CCDC25: variants seen among roughly 807,000 people sequenced by gnomAD.
CCDC25 encodes coiled-coil domain-containing protein 25.
CCDC25 carries 16 observed loss-of-function variants against 35.3 expected under a neutral mutation model. The observed-to-expected ratio is 0.45, with a 90% CI of 0.31 to 0.69. The LOEUF (loss-of-function observed/expected upper bound fraction) is 0.69, where lower values mean the gene tolerates loss of function less well. Among genes scored for constraint, CCDC25 ranks in the 30% least tolerant of loss-of-function variants. CCDC25 has a pLI of 0.06. For synonymous variants in CCDC25, 79 were observed against 80.3 expected, an observed-to-expected ratio of 0.98 and a Z score of 0.09; for missense variants, 179 against 250.7, an observed-to-expected ratio of 0.71 and a Z score of 1.93.
chr8:27,755,803 A>C (rs2128942291), intron 4 of CCDC25, among the ~76,000 whole-genome samples: 1 of 152,348 alleles, frequency 6.6e-6, no homozygotes, highest in South Asian at 2.1e-4. Flanking sequence ...CAAACTGAGC[A>C]ATAGTCTACA....
intron 7 of CCDC25, among the ~76,000 whole-genome samples, chr8:27,740,771 A>G (rs371242916): frequency 6.6e-6 from 1 of 152,256 alleles, no homozygotes; most frequent in South Asian, 2.1e-4. Context: ...CACCACCTCC[A>G]CAATAACTTG....
chr8:27,746,786 G>GT (rs1803616705), intron 7 of CCDC25, among the ~76,000 whole-genome samples: 1 of 152,156 alleles, frequency 6.6e-6, no homozygotes, highest in Non-Finnish European at 1.5e-5. Flanking sequence ...TTTGAACACT[G>GT]TATTTTAAGT....
rs1300400456 is a variant in CCDC25, at chr8:27,734,125, A to G, written c.*2091T>C. 4 of 152,190 alleles carry G rather than the reference A, an allele frequency of 2.6e-5. No individual in the cohort carries two copies. Among genetic ancestry groups the G allele is most frequent in the African/African-American group, 7.2e-5 (3 of 41,446 alleles). The allele number at this position is 152,190 out of a possible 1,614,324, so 9.4% of individuals were successfully genotyped here. Reference sequence around the variant, plus strand: ...TCAGTGCCTTTCAATAAACTTCTCAACATCTGTGTTGGTAAACTTCTCAAT... The same window carrying G: ...TCAGTGCCTTTCAATAAACTTCTCAGCATCTGTGTTGGTAAACTTCTCAAT... On this transcript the variant is annotated 3_prime_UTR_variant, in exon 9 of 9. Transcript: ENST00000356537.
At chr8:27,770,527 C>A (rs978014535) in intron 1 of CCDC25, among the ~76,000 whole-genome samples, 23 of 152,068 alleles carry the variant, frequency 1.5e-4, no homozygotes, top group Admixed American at 1.5e-3. Flanking sequence ...CACCTGAGGT[C>A]GGGAGTTCAA....
chr8:27,747,866 T>C, intron 7 of CCDC25: 1 of 578,102 alleles, frequency 1.7e-6, no homozygotes, highest in Non-Finnish European at 3.1e-6. Flanking sequence ...TCATCCACTT[T>C]CATATCCTGC....
Position 27,766,681 on chromosome 8 carries a change from C to T in CCDC25, c.29-1430G>A, listed in dbSNP as rs1804410982. ...GTATACCCTTTCAATCCTATAACGT[C>T]ACTACCTATAATGTTACCATAATAG... On this transcript the variant is annotated intron_variant, in intron 1 of 8. Transcript: ENST00000356537. Among the ~76,000 whole-genome samples the T allele has an allele frequency of 2.0e-5, 3 of 152,178 alleles. 1 individual carries two copies. The highest frequency in any genetic ancestry group is 4.4e-5 in the Non-Finnish European group (3 of 68,028).
At chr8:27,762,349 T>C in intron 3 of CCDC25, 70 bp downstream of exon 3, 1 of 1,378,044 alleles carries the variant, frequency 7.3e-7, no homozygotes, top group Non-Finnish European at 1.0e-6. Flanking sequence ...TGATTCTAGT[T>C]TGAATGCTTG....
At position 27,734,402 on chromosome 8, in the gene CCDC25, C is replaced by T. The variant is rs1397866133; in HGVS notation, c.*1814G>A. 2.6e-5 allele frequency: 4 copies of T among 152,178 alleles called. No homozygotes were observed. Among genetic ancestry groups the T allele is most frequent in the African/African-American group, 9.7e-5 (4 of 41,438 alleles). 9.4% of individuals were successfully genotyped at this position (152,178 alleles called of 1,614,324 possible). ...AAAAATAGCAACAATTTCGAATTCT[C>T]CTATCCAACGTTTAGGAAACAATCC... is the stretch of plus-strand genomic sequence containing the variant. On this transcript the variant is annotated 3_prime_UTR_variant, in exon 9 of 9. Transcript: ENST00000356537.
intron 2 of CCDC25, 57 bp downstream of exon 2, chr8:27,765,147 T>C: frequency 6.9e-7 from 1 of 1,450,264 alleles, no homozygotes; most frequent in Non-Finnish European, 9.3e-7. Context: ...AGGTGGTGAG[T>C]GAGAGATAAC....
intron 5 of CCDC25, among the ~76,000 whole-genome samples, chr8:27,751,561 T>C (rs916027769): frequency 1.2e-4 from 18 of 152,220 alleles, no homozygotes; most frequent in Non-Finnish European, 2.5e-4. Context: ...TGTTATCAGC[T>C]GTGGGTCCGC....
At position 27,748,705 on chromosome 8, in the gene CCDC25, C is replaced by T. The variant is rs186962048; in HGVS notation, c.245-107G>A. ...AGCCAACAAGGGAAACGGCTTAGAA[C>T]GAACAGGCCACCCCTTGTTTTAAAC... is the stretch of plus-strand genomic sequence containing the variant. On this transcript the variant is annotated intron_variant, in intron 5 of 8. Transcript: ENST00000356537. 6.8e-5 allele frequency: 53 copies of T among 777,064 alleles called. No homozygotes were observed. In the East Asian group the frequency reaches 1.0e-3, roughly 15 times the overall value. The allele number at this position is 777,064 out of a possible 1,614,324, so 48.1% of individuals were successfully genotyped here.
At chr8:27,770,051 G>T (rs1413072279) in intron 1 of CCDC25, among the ~76,000 whole-genome samples, 1 of 152,204 alleles carries the variant, frequency 6.6e-6, no homozygotes, top group Non-Finnish European at 1.5e-5. Flanking sequence ...GACTGAGGCA[G>T]TAGAATTGCT....
intron 4 of CCDC25, among the ~76,000 whole-genome samples, chr8:27,754,132 A>G (rs1479121870): frequency 1.3e-5 from 2 of 152,218 alleles, no homozygotes; most frequent in African/African-American, 4.8e-5. Flanking sequence ...ATTCTAAGAA[A>G]ATAATGAAAA....
At chr8:27,745,881 AC>A (rs1803586253) in intron 7 of CCDC25, among the ~76,000 whole-genome samples, 1 of 152,222 alleles carries the variant, frequency 6.6e-6, no homozygotes, top group African/African-American at 2.4e-5. Context: ...AATACAAATG[AC>A]CAGTGACAAC....
intron 1 of CCDC25, among the ~76,000 whole-genome samples, chr8:27,770,039 G>C (rs1804533896): frequency 6.6e-6 from 1 of 152,102 alleles, no homozygotes; most frequent in South Asian, 2.1e-4. Context: ...AGCTACTTGG[G>C]AGACTGAGGC....
At chr8:27,742,345 A>AAAAC (rs59747412) in intron 7 of CCDC25, among the ~76,000 whole-genome samples, 65,619 of 151,650 alleles carry the variant, frequency 0.43, 14,431 homozygotes, top group East Asian at 0.63. Context: ...AAACAAAACA[A>AAAAC]AAACAAACAA....
chr8:27,755,382 T>C (rs1335118948), intron 4 of CCDC25, among the ~76,000 whole-genome samples: 1 of 152,180 alleles, frequency 6.6e-6, no homozygotes, highest in Non-Finnish European at 1.5e-5. Context: ...TTACAGAACA[T>C]ATCTCAAAGG....
intron 8 of CCDC25, among the ~76,000 whole-genome samples, chr8:27,738,734 G>A (rs1803339795): frequency 1.3e-5 from 2 of 152,110 alleles, no homozygotes; most frequent in African/African-American, 4.8e-5. Context: ...ATTTCTGGTG[G>A]AAAGTGCCTC....
At chr8:27,741,470 G>A (rs890127510) in intron 7 of CCDC25, among the ~76,000 whole-genome samples, 3 of 152,208 alleles carry the variant, frequency 2.0e-5, no homozygotes, top group African/African-American at 7.2e-5. Context: ...CACAAAGTCA[G>A]GGGTTCGAGA....
Sources: gnomAD v4.1 joint callset for allele counts (sites outside exome capture counted in the v4.1 genomes callset) on GRCh38, gnomAD v4.1.1 for gene constraint, MANE v1.5 for transcripts, NCBI Gene and HGNC (gene_info 2026-07-23, HGNC 2026-07-21) for gene names.